NLGN1: variants seen among roughly 807,000 people sequenced by gnomAD.
The protein encoded by NLGN1 is neuroligin 1.
Under a neutral mutation model 65.5 loss-of-function variants are expected in NLGN1, and 12 were observed. The ratio of observed to expected loss-of-function variants is 0.18; its 90% CI spans 0.12 to 0.30. The LOEUF (loss-of-function observed/expected upper bound fraction) is 0.30, where lower values mean the gene tolerates loss of function less well. Ranked by LOEUF, NLGN1 falls within the 10% of genes least tolerant of loss-of-function variation. The probability of loss-of-function intolerance (pLI) is 1.00; values close to 1 mark genes in which losing one functional copy is unlikely to be tolerated. For synonymous variants in NLGN1, 350 were observed against 359.5 expected (o/e 0.97, Z 0.30); for missense variants, 750 against 1,007.1 (o/e 0.74, Z 3.46).
At chr3:173,505,272 T>C (rs1037108906) in intron 2 of NLGN1, among the ~76,000 whole-genome samples, 4 of 152,254 alleles carry the variant, frequency 2.6e-5, no homozygotes, top group African/African-American at 9.6e-5. Context: ...GTAACCTGAA[T>C]TCAAGTCACT....
chr3:174,166,908 G>C (rs1231391674), intron 4 of NLGN1, among the ~76,000 whole-genome samples: 3 of 151,890 alleles, frequency 2.0e-5, no homozygotes, highest in African/African-American at 7.2e-5. Flanking sequence ...TCTTCTCATT[G>C]AATATAACCT....
intron 4 of NLGN1, among the ~76,000 whole-genome samples, chr3:173,886,415 C>T (rs955806899): frequency 2.6e-5 from 4 of 151,970 alleles, no homozygotes; most frequent in African/African-American, 9.7e-5. Context: ...AAATGTGCTT[C>T]TTTAGCTAGA....
chr3:173,595,818 G>A (rs1300883336), intron 2 of NLGN1, among the ~76,000 whole-genome samples: 3 of 152,204 alleles, frequency 2.0e-5, no homozygotes, highest in South Asian at 2.1e-4. Flanking sequence ...AGATGCAAAA[G>A]CAGAAACACC....
chr3:173,507,581 A>G (rs987591702), intron 2 of NLGN1, among the ~76,000 whole-genome samples: 1 of 152,098 alleles, frequency 6.6e-6, no homozygotes, highest in Non-Finnish European at 1.5e-5. Flanking sequence ...GATTGTTTTC[A>G]GGTAATAGTT....
At chr3:173,581,796 TGTA>T (rs1039658569) in intron 2 of NLGN1, among the ~76,000 whole-genome samples, 23 of 151,936 alleles carry the variant, frequency 1.5e-4, no homozygotes, top group African/African-American at 5.1e-4. Flanking sequence ...ACAGGAATAA[TGTA>T]GTCTAAATCT....
intron 4 of NLGN1, among the ~76,000 whole-genome samples, chr3:173,941,297 G>T (rs1267032637): frequency 6.6e-6 from 1 of 151,932 alleles, no homozygotes; most frequent in African/African-American, 2.4e-5. Context: ...TTCACAACAC[G>T]TGACAAACAC....
intron 2 of NLGN1, among the ~76,000 whole-genome samples, chr3:173,449,604 T>C (rs1721087614): frequency 6.6e-6 from 1 of 152,166 alleles, no homozygotes; most frequent in African/African-American, 2.4e-5. Context: ...CTGAGTTCAG[T>C]TCCTGGATAT....
chr3:173,640,900 CA>C (rs1757314330), intron 3 of NLGN1, among the ~76,000 whole-genome samples: 1 of 152,136 alleles, frequency 6.6e-6, no homozygotes, highest in African/African-American at 2.4e-5. Flanking sequence ...TGTTAGAAAG[CA>C]AATCATATCA....
At chr3:174,123,971 G>A (rs1009830806) in intron 4 of NLGN1, among the ~76,000 whole-genome samples, 10 of 152,120 alleles carry the variant, frequency 6.6e-5, no homozygotes, top group Non-Finnish European at 1.5e-5. Flanking sequence ...AACCTCCAGT[G>A]TGACTCTATC....
chr3:173,975,283 CTG>C (rs1491536505), intron 4 of NLGN1, among the ~76,000 whole-genome samples: 2 of 151,902 alleles, frequency 1.3e-5, no homozygotes, highest in Non-Finnish European at 2.9e-5. Flanking sequence ...AGTCTCAACA[CTG>C]GGGATCTCTT....
At chr3:173,498,488 A>T (rs1405804035) in intron 2 of NLGN1, among the ~76,000 whole-genome samples, 4 of 151,774 alleles carry the variant, frequency 2.6e-5, no homozygotes, top group Middle Eastern at 3.2e-3. Context: ...AGTCTTTACT[A>T]TTGTGAATAG....
At chr3:173,499,953 C>G (rs1302993167) in intron 2 of NLGN1, among the ~76,000 whole-genome samples, 1 of 151,528 alleles carries the variant, frequency 6.6e-6, no homozygotes, top group African/African-American at 2.4e-5. Flanking sequence ...AGATTTTGGG[C>G]TGAGAAATGG....
intron 4 of NLGN1, among the ~76,000 whole-genome samples, chr3:174,209,160 A>G (rs962941252): frequency 6.6e-6 from 1 of 152,012 alleles, no homozygotes; most frequent in African/African-American, 2.4e-5. Flanking sequence ...CTGAGCTCAA[A>G]CAATTCACCC....
chr3:173,820,490 G>A (rs1720067732), intron 4 of NLGN1, among the ~76,000 whole-genome samples: 1 of 152,012 alleles, frequency 6.6e-6, no homozygotes, highest in Non-Finnish European at 1.5e-5. Context: ...TATCCACAAG[G>A]GATATGTTTC....
chr3:173,989,351 A>C (rs1458799726), intron 4 of NLGN1, among the ~76,000 whole-genome samples: 1 of 152,194 alleles, frequency 6.6e-6, no homozygotes, highest in African/African-American at 2.4e-5. Context: ...GATAACTTTG[A>C]CCACAGAATA....
At chr3:173,881,034 A>C (rs1733130820) in intron 4 of NLGN1, among the ~76,000 whole-genome samples, 2 of 148,038 alleles carry the variant, frequency 1.4e-5, no homozygotes, top group African/African-American at 2.5e-5. Context: ...ACTTCTCATC[A>C]CTTGAAGTTT....
chr3:174,264,795 G>T (rs377677800), intron 4 of NLGN1, among the ~76,000 whole-genome samples: 2 of 151,946 alleles, frequency 1.3e-5, no homozygotes, highest in East Asian at 1.9e-4. Flanking sequence ...TGTTCTGTTT[G>T]TTCCCCATCT....
chr3:173,560,034 T>C (rs991878579), intron 2 of NLGN1, among the ~76,000 whole-genome samples: 1 of 150,858 alleles, frequency 6.6e-6, no homozygotes, highest in African/African-American at 2.4e-5. Context: ...AGCTCCGCCT[T>C]CCGGGTTCAC....
In NLGN1 at chr3:173,709,540, G is replaced by A. The variant is rs771826754; in HGVS notation, c.494-98140G>A. Among the ~76,000 whole-genome samples, 4 of 152,114 alleles carry A rather than the reference G, an allele frequency of 2.6e-5. No individual in the cohort carries two copies. In the East Asian group the frequency reaches 7.7e-4, roughly 29 times the overall value. ...GAACCAGCCGGGCACAGTGGCTCAC[G>A]CCTGTAATCCCAGCACTTGGGGAGG... is the stretch of plus-strand genomic sequence containing the variant. On this transcript the variant is annotated intron_variant, in intron 3 of 6. Transcript: ENST00000457714.
Sources: gnomAD v4.1 joint callset for allele counts (sites outside exome capture counted in the v4.1 genomes callset) on GRCh38, gnomAD v4.1.1 for gene constraint, MANE v1.5 for transcripts, NCBI Gene and HGNC (gene_info 2026-07-23, HGNC 2026-07-21) for gene names.